The following RBFOX1 variants were observed in gnomAD, a reference collection of about 807,000 sequenced individuals.
RBFOX1 encodes the protein RNA binding protein fox-1 homolog 1.
Under a neutral mutation model 57.7 loss-of-function variants are expected in RBFOX1, and 8 were observed. The observed-to-expected ratio is 0.14, with a 90% CI of 0.08 to 0.25. The LOEUF is 0.25. Among genes scored for constraint, RBFOX1 ranks in the 10% least tolerant of loss-of-function variants. The pLI is 1.00. For synonymous variants in RBFOX1, 326 were observed against 222.4 expected (o/e 1.47, Z -4.15); for missense variants, 611 against 548.5 (o/e 1.11, Z -1.14).
intron 3 of RBFOX1, among the ~76,000 whole-genome samples, chr16:6,673,511 C>A (rs1266229387): frequency 6.6e-6 from 1 of 152,102 alleles, no homozygotes; most frequent in Non-Finnish European, 1.5e-5. Context: ...TCACCTGAAC[C>A]CAGGAGGTGG....
intron 4 of RBFOX1, among the ~76,000 whole-genome samples, chr16:7,431,479 G>C (rs894839409): frequency 1.2e-4 from 18 of 152,092 alleles, no homozygotes; most frequent in African/African-American, 4.1e-4. Flanking sequence ...GAACTCAAGT[G>C]ATCCTTCCAC....
chr16:7,667,204 C>T (rs922203444), intron 13 of RBFOX1, among the ~76,000 whole-genome samples: 2 of 152,162 alleles, frequency 1.3e-5, no homozygotes, highest in African/African-American at 4.8e-5. Context: ...GAATATTTTG[C>T]TTTGTCTGAT....
At chr16:7,671,679 T>C in intron 13 of RBFOX1, 1 of 1,296,474 alleles carries the variant, frequency 7.7e-7, no homozygotes, top group African/African-American at 1.5e-5. Flanking sequence ...AAGATAATTC[T>C]GGGGAGGGGA....
chr16:7,218,255 C>T (rs1000888391), intron 4 of RBFOX1, among the ~76,000 whole-genome samples: 2 of 152,160 alleles, frequency 1.3e-5, no homozygotes, highest in East Asian at 3.9e-4. Context: ...CTGAAAATCA[C>T]TATTCTCTAC....
At chr16:6,139,371 G>C (rs8062168) in intron 1 of RBFOX1, among the ~76,000 whole-genome samples, 1 of 152,152 alleles carries the variant, frequency 6.6e-6, no homozygotes. Context: ...CTTTCTGGCT[G>C]TGTGGTCTTG....
intron 3 of RBFOX1, among the ~76,000 whole-genome samples, chr16:5,712,028 A>G (rs1377368469): frequency 6.6e-6 from 1 of 152,218 alleles, no homozygotes; most frequent in Non-Finnish European, 1.5e-5. Context: ...GAAACTTACA[A>G]TTATGATGGA....
At position 6,558,855 on chromosome 16, in the gene RBFOX1, C is replaced by T. The variant is rs561093281; in HGVS notation, c.-63-95748C>T. Among the ~76,000 whole-genome samples the T allele has an allele frequency of 1.5e-3, 224 of 151,636 alleles. 1 individual carries two copies. The highest frequency in any genetic ancestry group is 5.1e-3 in the African/African-American group (210 of 41,296). ...TGACTTTTACTTCCCCAAACATACCCAGCTCCTCCTGAGTGGGACGTTGTG... is the reference window on the plus strand; with the variant it reads ...TGACTTTTACTTCCCCAAACATACCTAGCTCCTCCTGAGTGGGACGTTGTG... On this transcript the variant is annotated intron_variant, in intron 2 of 15. Transcript: ENST00000550418.
chr16:6,644,997 T>G (rs1384868006), intron 2 of RBFOX1, among the ~76,000 whole-genome samples: 1 of 152,168 alleles, frequency 6.6e-6, no homozygotes, highest in Admixed American at 6.6e-5. Flanking sequence ...CTCTGACAGC[T>G]CTGGAGGCTC....
chr16:6,834,456 C>A (rs988934772), intron 3 of RBFOX1, among the ~76,000 whole-genome samples: 4 of 151,990 alleles, frequency 2.6e-5, no homozygotes, highest in Non-Finnish European at 5.9e-5. Context: ...TCAATGGATG[C>A]CTATAGCCTT....
At chr16:6,331,178 C>A (rs1281988454) in intron 2 of RBFOX1, among the ~76,000 whole-genome samples, 1 of 152,144 alleles carries the variant, frequency 6.6e-6, no homozygotes, top group Non-Finnish European at 1.5e-5. Flanking sequence ...GGGCCGGGCC[C>A]AGTGGTTCAC....
chr16:7,337,390 A>C (rs899295027), intron 4 of RBFOX1, among the ~76,000 whole-genome samples: 2 of 152,232 alleles, frequency 1.3e-5, no homozygotes, highest in East Asian at 3.8e-4. Flanking sequence ...TTCACAGGAC[A>C]AAAAATAATA....
At chr16:6,392,908 C>G (rs748215937) in intron 2 of RBFOX1, among the ~76,000 whole-genome samples, 1 of 152,172 alleles carries the variant, frequency 6.6e-6, no homozygotes, top group Admixed American at 6.5e-5. Context: ...AAGGATAAAC[C>G]ATATGACCCA....
At chr16:7,022,206 G>C (rs117275596) in intron 3 of RBFOX1, among the ~76,000 whole-genome samples, 16,510 of 149,762 alleles carry the variant, frequency 0.11, 1,296 homozygotes, top group Non-Finnish European at 0.16. Context: ...TGGGACTACA[G>C]ACACACCCCT....
intron 2 of RBFOX1, among the ~76,000 whole-genome samples, chr16:6,410,681 T>C (rs2093431354): frequency 6.6e-6 from 1 of 152,168 alleles, no homozygotes; most frequent in Non-Finnish European, 1.5e-5. Flanking sequence ...TGTTGCTGCC[T>C]CTGGTGGGTG....
chr16:7,270,184 G>T (rs899803106), intron 4 of RBFOX1, among the ~76,000 whole-genome samples: 2 of 152,184 alleles, frequency 1.3e-5, no homozygotes, highest in Non-Finnish European at 2.9e-5. Context: ...CCTTAGCCAG[G>T]GCTCTGTTCC....
At chr16:7,394,888 G>T (rs960835946) in intron 4 of RBFOX1, among the ~76,000 whole-genome samples, 1 of 151,950 alleles carries the variant, frequency 6.6e-6, no homozygotes, top group East Asian at 1.9e-4. Flanking sequence ...CCTCCTTGCC[G>T]TCCCCTGCAG....
At chr16:6,026,346 GAGGTTAGTGCTTTTC>G (rs1466060615) in intron 1 of RBFOX1, among the ~76,000 whole-genome samples, 1 of 152,208 alleles carries the variant, frequency 6.6e-6, no homozygotes. Flanking sequence ...CACACACTTT[GAGGTTAGTGCTTTTC>G]AGATCCCCAT....
chr16:5,829,542 A>G (rs1410551720), intron 3 of RBFOX1, among the ~76,000 whole-genome samples: 1 of 152,122 alleles, frequency 6.6e-6, no homozygotes, highest in African/African-American at 2.4e-5. Flanking sequence ...GTTCAGCTGC[A>G]TATGAGGATT....
At chr16:5,694,426 T>C (rs2050787089) in intron 3 of RBFOX1, among the ~76,000 whole-genome samples, 1 of 152,234 alleles carries the variant, frequency 6.6e-6, no homozygotes, top group South Asian at 2.1e-4. Context: ...TTCGGTTCTG[T>C]AACTTCGTGA....
Sources: allele counts gnomAD v4.1 joint callset (sites outside exome capture counted in the v4.1 genomes callset), GRCh38; gene constraint gnomAD v4.1.1; transcripts MANE v1.5; gene names NCBI Gene and HGNC (gene_info 2026-07-23, HGNC 2026-07-21).